Variants in DLGAP2 observed in about 807,000 individuals in gnomAD.
DLGAP2 encodes disks large-associated protein 2.
In DLGAP2, 26 loss-of-function variants were observed where a neutral mutation model predicts 100.3. The ratio of observed to expected loss-of-function variants is 0.26; its 90% CI spans 0.19 to 0.36. The LOEUF (loss-of-function observed/expected upper bound fraction) is 0.36. Among genes scored for constraint, DLGAP2 ranks in the 10% least tolerant of loss-of-function variants. The pLI is 1.00. For missense variants in DLGAP2, 1,858 were observed against 1,453.2 expected (o/e 1.28, Z -4.53); for synonymous variants, 886 against 630.1 (o/e 1.41, Z -6.08).
At chr8:858,357 G>A (rs1797322632) in intron 1 of DLGAP2, among the ~76,000 whole-genome samples, 1 of 152,282 alleles carries the variant, frequency 6.6e-6, no homozygotes, top group South Asian at 2.1e-4. Context: ...GATTCCGACT[G>A]CATGGCATTC....
At chr8:1,236,156 A>G (rs1265631597) in intron 2 of DLGAP2, among the ~76,000 whole-genome samples, 1 of 103,678 alleles carries the variant, frequency 9.6e-6, no homozygotes, top group East Asian at 2.8e-4. Context: ...TCTCTCACAC[A>G]TAGCGTCTTG....
chr8:1,260,206 G>T (rs994277372), intron 3 of DLGAP2, among the ~76,000 whole-genome samples: 2 of 152,120 alleles, frequency 1.3e-5, no homozygotes, highest in African/African-American at 4.8e-5. Context: ...TCTGTTGGGT[G>T]TTTGAAAGCT....
intron 3 of DLGAP2, among the ~76,000 whole-genome samples, chr8:1,320,997 G>A (rs1319816938): frequency 6.6e-6 from 1 of 151,596 alleles, no homozygotes; most frequent in Non-Finnish European, 1.5e-5. Flanking sequence ...GCATCCGTGT[G>A]CCTCTGCGTG....
intron 1 of DLGAP2, among the ~76,000 whole-genome samples, chr8:820,997 G>C (rs940050468): frequency 6.6e-6 from 1 of 152,148 alleles, no homozygotes; most frequent in Non-Finnish European, 1.5e-5. Flanking sequence ...GAAATGAATA[G>C]GCAATTTAGA....
At chr8:1,085,744 T>C (rs986059413) in intron 2 of DLGAP2, among the ~76,000 whole-genome samples, 2 of 152,238 alleles carry the variant, frequency 1.3e-5, no homozygotes, top group Admixed American at 1.3e-4. Context: ...TTTTCTTATA[T>C]ATTTGAGGTT....
At chr8:1,618,638 A>C (rs1170738520) in intron 6 of DLGAP2, among the ~76,000 whole-genome samples, 1 of 152,260 alleles carries the variant, frequency 6.6e-6, no homozygotes, top group Non-Finnish European at 1.5e-5. Context: ...ACGCTATCTG[A>C]TTTCAAGACT....
chr8:1,155,898 G>A (rs1796774727), intron 2 of DLGAP2, among the ~76,000 whole-genome samples: 1 of 152,192 alleles, frequency 6.6e-6, no homozygotes, highest in Non-Finnish European at 1.5e-5. Flanking sequence ...AGCGGCGGGG[G>A]AGGCCAGTAT....
rs1377135458 is a variant in DLGAP2, at chr8:802,177, A to ACGGCC, written c.18+64352_18+64353insCGGCC. On this transcript the variant is annotated intron_variant, in intron 1 of 14. Transcript: ENST00000637795. ...CACTCCTCCTGGGTCCTCTGTCCTC[A>ACGGCC]TGGCCTGGGGAATGGTCTGCACTCC... Among the ~76,000 whole-genome samples, 73 of 147,970 alleles carry ACGGCC rather than the reference A, an allele frequency of 4.9e-4. 7 individuals are homozygous for ACGGCC. The highest frequency in any genetic ancestry group is 3.6e-3 in the Middle Eastern group (1 of 274).
At chr8:891,701 G>A (rs1017608378) in intron 1 of DLGAP2, 1 of 152,336 alleles carries the variant, frequency 6.6e-6, no homozygotes, top group Non-Finnish European at 1.5e-5. Flanking sequence ...TGAGAAAGAA[G>A]AATCCCATGA....
chr8:1,194,234 C>T (rs1797702689), intron 2 of DLGAP2, among the ~76,000 whole-genome samples: 3 of 152,106 alleles, frequency 2.0e-5, no homozygotes, highest in Non-Finnish European at 4.4e-5. Flanking sequence ...AGGAGGAGCT[C>T]AGCTGCTGGC....
intron 3 of DLGAP2, among the ~76,000 whole-genome samples, chr8:1,365,249 C>G (rs1014969630): frequency 3.3e-5 from 5 of 152,192 alleles, no homozygotes; most frequent in African/African-American, 1.2e-4. Context: ...GGACCCCTCA[C>G]TCTCCCAGAG....
chr8:1,603,484 A>G (rs1766894829), intron 6 of DLGAP2, among the ~76,000 whole-genome samples: 6 of 147,908 alleles, frequency 4.1e-5, no homozygotes, highest in South Asian at 2.1e-4. Context: ...GGCTGGTTAG[A>G]GTGGAGGATG....
At chr8:1,546,502 G>A (rs1283404205) in intron 4 of DLGAP2, among the ~76,000 whole-genome samples, 7 of 152,354 alleles carry the variant, frequency 4.6e-5, no homozygotes, top group African/African-American at 7.2e-5. Flanking sequence ...ACGGCTGGCC[G>A]TCCTGGATCC....
intron 2 of DLGAP2, among the ~76,000 whole-genome samples, chr8:1,236,297 C>G (rs1340945186): frequency 7.1e-5 from 4 of 55,956 alleles, no homozygotes; most frequent in Admixed American, 1.8e-4. Flanking sequence ...GGCGCCGTGT[C>G]TAGTTCTCTC....
intron 3 of DLGAP2, among the ~76,000 whole-genome samples, chr8:1,458,737 C>T (rs1798389815): frequency 6.6e-6 from 1 of 152,186 alleles, no homozygotes. Flanking sequence ...CCTTCAGGAC[C>T]CACCTAGGAT....
At chr8:1,579,339 A>G (rs1053794808) in intron 6 of DLGAP2, among the ~76,000 whole-genome samples, 1 of 152,202 alleles carries the variant, frequency 6.6e-6, no homozygotes, top group African/African-American at 2.4e-5. Context: ...GTGTATATAT[A>G]TAGACACATA....
intron 6 of DLGAP2, among the ~76,000 whole-genome samples, chr8:1,610,702 G>A (rs1237347570): frequency 7.2e-6 from 1 of 138,176 alleles, no homozygotes; most frequent in Non-Finnish European, 1.5e-5. Context: ...AATGATAAAG[G>A]GGATATCACC....
chr8:1,350,648 C>A (rs1213252842), intron 3 of DLGAP2, among the ~76,000 whole-genome samples: 12 of 38,842 alleles, frequency 3.1e-4, no homozygotes, highest in African/African-American at 1.3e-3. Flanking sequence ...CGGGTCCTGA[C>A]TGTGCGTGGA....
At chr8:1,499,172 C>G (rs938363241) in intron 3 of DLGAP2, among the ~76,000 whole-genome samples, 2 of 152,256 alleles carry the variant, frequency 1.3e-5, no homozygotes, top group Admixed American at 6.5e-5. Context: ...AAATCGCAGG[C>G]TTCCGATACC....
Sources: gnomAD v4.1 joint callset for allele counts (sites outside exome capture counted in the v4.1 genomes callset) on GRCh38, gnomAD v4.1.1 for gene constraint, MANE v1.5 for transcripts, NCBI Gene and HGNC (gene_info 2026-07-23, HGNC 2026-07-21) for gene names.